The following BMAL1 variants were observed in gnomAD, a reference collection of about 807,000 sequenced individuals.
BMAL1 encodes the protein basic helix-loop-helix ARNT-like protein 1.
At chr11:13,372,647 T>C in the BMAL1 span, among the ~76,000 whole-genome samples, 4 of 151,938 alleles carry the variant, frequency 2.6e-5, no homozygotes, top group African/African-American at 9.7e-5. Context: ...CTGTCTCAAC[T>C]AAAAATACAA....
At chr11:13,277,014 G>A in the BMAL1 span, 1 of 152,250 alleles carries the variant, frequency 6.6e-6, no homozygotes, top group Non-Finnish European at 1.5e-5. Flanking sequence ...ATTCTCTTTG[G>A]AACTACGGGA....
the BMAL1 span, chr11:13,369,886 A>AC: frequency 7.6e-7 from 1 of 1,314,058 alleles, no homozygotes; most frequent in Non-Finnish European, 1.0e-6. Flanking sequence ...AGGTCCCAGG[A>AC]CTGCAGACAG....
At chr11:13,355,328 C>T in the BMAL1 span, 2 of 1,605,040 alleles carry the variant, frequency 1.2e-6, no homozygotes, top group Admixed American at 1.7e-5. Context: ...AGACAGCCAA[C>T]ACCCAGGGGC....
At chr11:13,320,915 TG>T in the BMAL1 span, among the ~76,000 whole-genome samples, 1 of 152,216 alleles carries the variant, frequency 6.6e-6, no homozygotes, top group Non-Finnish European at 1.5e-5. Context: ...GGTGGGGTAT[TG>T]AAGGTTCAAC....
chr11:13,297,425 A>C, the BMAL1 span, among the ~76,000 whole-genome samples: 2 of 152,340 alleles, frequency 1.3e-5, no homozygotes, highest in East Asian at 3.9e-4. Context: ...TTATGTTTTT[A>C]AGGGTTCTTC....
chr11:13,340,095 C>T, the BMAL1 span, among the ~76,000 whole-genome samples: 1 of 152,220 alleles, frequency 6.6e-6, no homozygotes, highest in South Asian at 2.1e-4. Context: ...ATTACCAATT[C>T]TTTCACTGAA....
chr11:13,387,030 A>AT, the BMAL1 span: 1 of 307,030 alleles, frequency 3.3e-6, no homozygotes, highest in Admixed American at 4.9e-5. Context: ...TTTGTGTTGA[A>AT]TTTTTTAATC....
chr11:13,348,383 T>G, the BMAL1 span, among the ~76,000 whole-genome samples: 22 of 152,172 alleles, frequency 1.4e-4, no homozygotes, highest in African/African-American at 5.3e-4. Flanking sequence ...ATTGCAGTGG[T>G]CTGAGCAAGG....
At chr11:13,309,746 A>G in the BMAL1 span, among the ~76,000 whole-genome samples, 1 of 152,152 alleles carries the variant, frequency 6.6e-6, no homozygotes, top group South Asian at 2.1e-4. Context: ...AAGTTATGCC[A>G]CAACGTGCCA....
the BMAL1 span, among the ~76,000 whole-genome samples, chr11:13,283,027 C>T: frequency 6.6e-6 from 1 of 152,174 alleles, no homozygotes; most frequent in Non-Finnish European, 1.5e-5. Flanking sequence ...GACTTAACCT[C>T]AGGGGGAGAT....
chr11:13,317,802 T>C, the BMAL1 span, among the ~76,000 whole-genome samples: 1 of 152,236 alleles, frequency 6.6e-6, no homozygotes, highest in Admixed American at 6.5e-5. Flanking sequence ...TTCCCATCTT[T>C]CTGAAATAAA....
At chr11:13,332,528 G>C in the BMAL1 span, among the ~76,000 whole-genome samples, 2 of 152,164 alleles carry the variant, frequency 1.3e-5, no homozygotes, top group Admixed American at 6.5e-5. Flanking sequence ...TATAATTTCA[G>C]TACAAGCTAG....
chr11:13,384,807 T>C, the BMAL1 span, among the ~76,000 whole-genome samples: 1 of 152,236 alleles, frequency 6.6e-6, no homozygotes, highest in African/African-American at 2.4e-5. Context: ...TCATTATTTA[T>C]GTTAACATGT....
chr11:13,302,140 G>A, the BMAL1 span, among the ~76,000 whole-genome samples: 5 of 152,170 alleles, frequency 3.3e-5, no homozygotes, highest in Admixed American at 6.5e-5. Flanking sequence ...GGTGAGAGCC[G>A]TGAAGGGCCA....
chr11:13,378,442 A>G, the BMAL1 span: 1 of 1,610,786 alleles, frequency 6.2e-7, no homozygotes, highest in Non-Finnish European at 8.5e-7. Context: ...ATGGAAATCC[A>G]CAGGCAAGTA....
At chr11:13,276,880 T>C in the BMAL1 span, 1 of 152,266 alleles carries the variant, frequency 6.6e-6, no homozygotes, top group South Asian at 2.1e-4. Context: ...TTTCCTTCCG[T>C]CTTGCTCCGT....
chr11:13,285,854 A>G, the BMAL1 span, among the ~76,000 whole-genome samples: 39 of 152,352 alleles, frequency 2.6e-4, no homozygotes, highest in Non-Finnish European at 5.3e-4. Context: ...GGCTTTTAAT[A>G]AAACATTATA....
chr11:13,378,211 C>A, the BMAL1 span: 2 of 1,290,978 alleles, frequency 1.5e-6, no homozygotes, highest in Non-Finnish European at 2.0e-6. Context: ...GCCCTAAAGT[C>A]CCTCAAGGCA....
chr11:13,357,059 G>C, the BMAL1 span: 1 of 1,614,232 alleles, frequency 6.2e-7, no homozygotes, highest in East Asian at 2.2e-5. The surrounding 1 kb of genome is among the most constrained non-coding windows in gnomAD (Gnocchi z 4.8). Context: ...CCCCAGGTTA[G>C]AATATACAGA....
Sources: allele counts gnomAD v4.1 joint callset (sites outside exome capture counted in the v4.1 genomes callset), GRCh38; gene constraint gnomAD v4.1.1; non-coding constraint Gnocchi (gnomAD v3.1); transcripts MANE v1.5; gene names NCBI Gene and HGNC (gene_info 2026-07-23, HGNC 2026-07-21).